MLXIPL: variants seen among roughly 807,000 people sequenced by gnomAD.
MLXIPL encodes the protein carbohydrate-responsive element-binding protein.
MLXIPL carries 49 observed loss-of-function variants against 81.5 expected under a neutral mutation model. The ratio of observed to expected loss-of-function variants is 0.60; its 90% CI spans 0.48 to 0.76. MLXIPL has a LOEUF of 0.76. Ranked by LOEUF, MLXIPL falls within the 30% of genes least tolerant of loss-of-function variation. The probability of loss-of-function intolerance (pLI) is 0.00; values close to 1 mark genes in which losing one functional copy is unlikely to be tolerated. For missense variants in MLXIPL, 1,053 were observed against 1,167.0 expected (o/e 0.90, Z 1.42); for synonymous variants, 466 against 485.5 (o/e 0.96, Z 0.53).
At chr7:73,598,896 G>A (rs1022239592) in intron 8 of MLXIPL, among the ~76,000 whole-genome samples, 1 of 151,856 alleles carries the variant, frequency 6.6e-6, no homozygotes, top group Non-Finnish European at 1.5e-5. Context: ...GAGGCGGGCG[G>A]ACTACTGAGG....
chr7:73,624,653 G>T (rs554024670), upstream of MLXIPL: 37 of 1,309,332 alleles, frequency 2.8e-5, no homozygotes, highest in South Asian at 5.5e-4. Flanking sequence ...TAATCCTTAC[G>T]CCAGGTGAGA....
chr7:73,611,889 T>C (rs1204548295), intron 2 of MLXIPL, among the ~76,000 whole-genome samples: 5 of 152,110 alleles, frequency 3.3e-5, no homozygotes, highest in African/African-American at 7.2e-5. Context: ...GGTTTTGTCC[T>C]GGTTTCTGAG....
Position 73,596,639 on chromosome 7 carries a change from C to T in MLXIPL, c.1822G>A (p.Gly608Ser), listed in dbSNP as rs782157345. The T allele has an allele frequency of 5.0e-6, 8 of 1,597,044 alleles. No homozygotes were observed. The highest frequency in any genetic ancestry group is 4.5e-5 in the South Asian group (4 of 88,684). Residue 608 changes from glycine (G) to serine (S), a missense_variant and splice_region_variant, in exon 11 of 17, where the codon GGC (glycine) becomes AGC (serine). Physicochemically the swap from Gly to Ser is moderately conservative, Grantham distance 56. This residue lies in a region of MLXIPL where 823 missense variants were observed against 933.0 expected (regional missense o/e 0.88). Coordinates refer to ENST00000313375, the MANE Select transcript of MLXIPL (RefSeq NM_032951.3). This position sits in a 1 kb window ranked among gnomAD's most constrained non-coding sequence, Gnocchi z 4.7. ...AERLSPPAPSGSERRLSGDLS... is the reference protein window; with the variant it reads ...AERLSPPAPSSSERRLSGDLS... The stretch of plus-strand genomic sequence containing the variant: ...CAATCCCTGCAACCCCTCTCTTTAC[C>T]GCTGGGCGCTGGGGGTGAGAGCCGC...
chr7:73,607,247 C>T lies in MLXIPL; in HGVS notation c.573+84G>A. On this transcript the variant is annotated intron_variant, in intron 4 of 16. Transcript: ENST00000313375. ...GCGCAAGCTCGGGGGTCAGGATCCC[C>T]TTTCCAGGGATCTTCCGAGGCGGGC... is the stretch of plus-strand genomic sequence containing the variant. 2.8e-6 allele frequency: 4 copies of T among 1,427,400 alleles called. No individual in the cohort carries two copies. In the South Asian group the frequency reaches 3.7e-5, roughly 13 times the overall value. 88.4% of individuals were successfully genotyped at this position (1,427,400 alleles called of 1,614,324 possible). A position where few individuals can be genotyped will look rare whatever the true frequency, so the allele number is the denominator to read the frequency against.
the MLXIPL span, among the ~76,000 whole-genome samples, chr7:73,639,054 C>T: frequency 1.3e-5 from 2 of 152,060 alleles, no homozygotes; most frequent in Non-Finnish European, 2.9e-5. Context: ...CTCTGGGCTG[C>T]AGCCTGTGGT....
upstream of MLXIPL, among the ~76,000 whole-genome samples, chr7:73,625,323 C>A (rs989083445): frequency 1.3e-5 from 2 of 152,200 alleles, no homozygotes; most frequent in South Asian, 4.1e-4. Context: ...CTCCAACCCC[C>A]GCCCCCCATA....
At position 73,596,092 on chromosome 7, in the gene MLXIPL, G is replaced by A. The variant is rs1162551786; in HGVS notation, c.2058+61C>T. 2.5e-6 allele frequency: 4 copies of A among 1,587,236 alleles called. No individual in the cohort carries two copies. The highest frequency in any genetic ancestry group is 3.4e-6 in the Non-Finnish European group (4 of 1,167,648). ...ACTCCCCTGCAATTGAGTTTTGGGTGGGGGGGGTCCAGAAAGGGGCCCTGT... is the reference window on the plus strand; with the variant it reads ...ACTCCCCTGCAATTGAGTTTTGGGTAGGGGGGGTCCAGAAAGGGGCCCTGT... On this transcript the variant is annotated intron_variant, in intron 13 of 16. Transcript: ENST00000313375. This position sits in a 1 kb window ranked among gnomAD's most constrained non-coding sequence, Gnocchi z 4.7.
At position 73,606,729 on chromosome 7, in the gene MLXIPL, T is replaced by G; in HGVS notation, c.618+245A>C. ...GCGTGAGCCACCACGCCCGGCCTGGTCCCTCTGTTCTCCCATGCCTCCCAC... is the reference window on the plus strand; with the variant it reads ...GCGTGAGCCACCACGCCCGGCCTGGGCCCTCTGTTCTCCCATGCCTCCCAC... On this transcript the variant is annotated intron_variant, in intron 5 of 16. Coordinates refer to ENST00000313375, the MANE Select transcript of MLXIPL (RefSeq NM_032951.3). The G allele has an allele frequency of 7.6e-6, 4 of 526,310 alleles. No homozygotes were observed. In the South Asian group the frequency reaches 7.9e-5, roughly 10 times the overall value. 32.6% of individuals were successfully genotyped at this position (526,310 alleles called of 1,614,324 possible).
At position 73,615,971 on chromosome 7, in the gene MLXIPL, C is replaced by G. The variant is rs183235381; in HGVS notation, c.400+100G>C. 12 of 943,262 alleles carry G rather than the reference C, an allele frequency of 1.3e-5. No individual in the cohort carries two copies. The African/African-American group carries it at 1.6e-4, about 13-fold the overall frequency. 58.4% of individuals were successfully genotyped at this position (943,262 alleles called of 1,614,324 possible). ...CTCTGCTAGTGCTGGCCTTGAGGAC[C>G]CCGGGGATTTTCCTGGGCAGCCACC... On this transcript the variant is annotated intron_variant, in intron 2 of 16. Coordinates refer to ENST00000313375, the MANE Select transcript of MLXIPL (RefSeq NM_032951.3).
the MLXIPL span, among the ~76,000 whole-genome samples, chr7:73,647,687 A>T: frequency 6.6e-6 from 1 of 152,106 alleles, no homozygotes; most frequent in Admixed American, 6.5e-5. Flanking sequence ...GCAGAGGGGA[A>T]ACTGAGGCCC....
At position 73,594,256 on chromosome 7, in the gene MLXIPL, G is replaced by T; in HGVS notation, c.2440+18C>A. The stretch of plus-strand genomic sequence containing the variant: ...CGAGGCTGGGTCCCTCTAGCAGGCA[G>T]GGAGATGGCTCACGTACTTGGCCGG... On this transcript the variant is annotated intron_variant, in intron 16 of 16. Coordinates refer to ENST00000313375, the MANE Select transcript of MLXIPL (RefSeq NM_032951.3). 1 of 1,611,340 alleles carries T rather than the reference G, an allele frequency of 6.2e-7. No individual in the cohort carries two copies. Among genetic ancestry groups the T allele is most frequent in the South Asian group, 1.1e-5 (1 of 91,052 alleles).
intron 7 of MLXIPL, among the ~76,000 whole-genome samples, chr7:73,601,257 C>T (rs963211729): frequency 6.6e-6 from 1 of 151,196 alleles, no homozygotes; most frequent in East Asian, 1.9e-4. Context: ...GAGATAGAAT[C>T]GTGCTATGTT....
At chr7:73,603,287 T>A (rs1554596915) in intron 7 of MLXIPL, among the ~76,000 whole-genome samples, 1 of 152,136 alleles carries the variant, frequency 6.6e-6, no homozygotes. Flanking sequence ...TGGCCCACAC[T>A]TTTTCCCCCA....
chr7:73,606,208 G>A (rs1325674387), intron 5 of MLXIPL, 97 bp from the exon 6 acceptor site: 2 of 1,290,744 alleles, frequency 1.5e-6, no homozygotes, highest in African/African-American at 2.9e-5. Context: ...GCAGGACAGA[G>A]GGTCTGTCTG....
chr7:73,618,124 C>G (rs1796107480), intron 1 of MLXIPL, among the ~76,000 whole-genome samples: 1 of 152,128 alleles, frequency 6.6e-6, no homozygotes, highest in African/African-American at 2.4e-5. Context: ...TGAGATGGAG[C>G]CTCATTCTGC....
chr7:73,638,164 C>T, the MLXIPL span, among the ~76,000 whole-genome samples: 31 of 152,238 alleles, frequency 2.0e-4, no homozygotes, highest in South Asian at 8.3e-4. Flanking sequence ...ATAGCACCCT[C>T]GGACACCATT....
chr7:73,594,162 C>A, intron 16 of MLXIPL, 112 bp downstream of exon 16: 1 of 1,551,942 alleles, frequency 6.4e-7, no homozygotes, highest in Non-Finnish European at 8.8e-7. Context: ...GGGGTGGCCA[C>A]AACCCTAGGC....
At chr7:73,627,093 A>G (rs1396584065), upstream of MLXIPL, among the ~76,000 whole-genome samples, 4 of 152,158 alleles carry the variant, frequency 2.6e-5, no homozygotes, top group Admixed American at 2.0e-4. Flanking sequence ...CAGGAGCCCC[A>G]GCTGTTCTGC....
At chr7:73,624,602 G>T (rs1228752235), upstream of MLXIPL, 9 of 1,388,910 alleles carry the variant, frequency 6.5e-6, no homozygotes, top group East Asian at 5.8e-5. Context: ...TAGGCCGATC[G>T]GGTGGGCGGG....
Sources: gnomAD v4.1 joint callset for allele counts (sites outside exome capture counted in the v4.1 genomes callset) on GRCh38, gnomAD v4.1.1 for gene constraint, gnomAD v4.1.1 regional missense constraint, Gnocchi (gnomAD v3.1) non-coding constraint, MANE v1.5 for transcripts, NCBI Gene and HGNC (gene_info 2026-07-23, HGNC 2026-07-21) for gene names.